The following MARCHF1 variants were observed in gnomAD, a reference collection of about 807,000 sequenced individuals.
The protein encoded by MARCHF1 is E3 ubiquitin-protein ligase MARCHF1.
MARCHF1 carries 40 observed loss-of-function variants against 54.2 expected under a neutral mutation model. The ratio of observed to expected loss-of-function variants is 0.74; its 90% CI spans 0.57 to 0.96. The LOEUF (loss-of-function observed/expected upper bound fraction) is 0.96. Ranked by LOEUF, MARCHF1 falls within the 40% of genes least tolerant of loss-of-function variation. The probability of loss-of-function intolerance (pLI) is 0.00; values close to 1 mark genes in which losing one functional copy is unlikely to be tolerated. For synonymous variants in MARCHF1, 236 were observed against 236.3 expected (o/e 1.00, Z 0.01); for missense variants, 586 against 656.5 (o/e 0.89, Z 1.17).
intron 4 of MARCHF1, among the ~76,000 whole-genome samples, chr4:163,704,542 CTTTT>C (rs1046391233): frequency 2.7e-5 from 4 of 149,666 alleles, no homozygotes; most frequent in Non-Finnish European, 6.0e-5. Context: ...TTTACAGGGT[CTTTT>C]TTTTTCAATA....
intron 8 of MARCHF1, among the ~76,000 whole-genome samples, chr4:163,564,359 A>G (rs1276226433): frequency 1.3e-5 from 2 of 152,212 alleles, no homozygotes; most frequent in Non-Finnish European, 2.9e-5. Context: ...ACTATTTTAT[A>G]TGGATAAAAT....
chr4:164,008,650 T>A (rs759157018), intron 2 of MARCHF1, among the ~76,000 whole-genome samples: 4 of 151,878 alleles, frequency 2.6e-5, no homozygotes, highest in Non-Finnish European at 5.9e-5. Context: ...CTGACCACAA[T>A]GGAATAAAAC....
intron 4 of MARCHF1, among the ~76,000 whole-genome samples, chr4:163,761,836 C>A (rs1212003841): frequency 6.6e-6 from 1 of 152,182 alleles, no homozygotes; most frequent in East Asian, 1.9e-4. Context: ...CCTTTCCCTT[C>A]TTCACATTCG....
chr4:163,952,425 G>T (rs1448981407), intron 3 of MARCHF1, among the ~76,000 whole-genome samples: 1 of 152,068 alleles, frequency 6.6e-6, no homozygotes, highest in Non-Finnish European at 1.5e-5. Context: ...GGCTATAAGG[G>T]ATTCCTAAAA....
At chr4:163,933,239 A>C in intron 3 of MARCHF1, 1 of 722,988 alleles carries the variant, frequency 1.4e-6, no homozygotes, top group East Asian at 3.9e-5. Context: ...GATGCAGCAG[A>C]AGGGGCTGAA....
intron 3 of MARCHF1, among the ~76,000 whole-genome samples, chr4:163,899,666 G>T (rs952848493): frequency 1.3e-5 from 2 of 151,776 alleles, no homozygotes; most frequent in African/African-American, 4.8e-5. Context: ...CTGACCTTCA[G>T]ATCTATATTT....
intron 1 of MARCHF1, among the ~76,000 whole-genome samples, chr4:164,160,254 A>C (rs562326381): frequency 5.9e-5 from 9 of 152,126 alleles, no homozygotes; most frequent in African/African-American, 9.7e-5. Context: ...GCACTTCTGC[A>C]AACCTAGGTG....
At chr4:164,103,964 C>A (rs1755631857) in intron 2 of MARCHF1, among the ~76,000 whole-genome samples, 1 of 150,606 alleles carries the variant, frequency 6.6e-6, no homozygotes, top group African/African-American at 2.5e-5. Flanking sequence ...ATACAAACTA[C>A]CATCAGGGAA....
intron 5 of MARCHF1, among the ~76,000 whole-genome samples, chr4:163,693,534 T>C (rs1171750291): frequency 3.3e-5 from 5 of 151,344 alleles, no homozygotes; most frequent in Non-Finnish European, 7.4e-5. Context: ...AGAGGTACCA[T>C]GATAAATAAA....
chr4:163,869,608 T>A (rs1560796391), intron 3 of MARCHF1, among the ~76,000 whole-genome samples: 1 of 152,042 alleles, frequency 6.6e-6, no homozygotes, highest in African/African-American at 2.4e-5. Flanking sequence ...GACAACCCAA[T>A]GGAAATAGAA....
intron 5 of MARCHF1, among the ~76,000 whole-genome samples, chr4:163,700,528 A>AGAAG (rs57173687): frequency 0.16 from 18,217 of 114,184 alleles, 1,709 homozygotes; most frequent in Admixed American, 0.17. Flanking sequence ...AAAGAAAGAA[A>AGAAG]GAAGGAAGGA....
intron 1 of MARCHF1, among the ~76,000 whole-genome samples, chr4:164,355,431 A>C (rs1297850402): frequency 7.8e-6 from 1 of 127,666 alleles, no homozygotes; most frequent in African/African-American, 2.9e-5. Flanking sequence ...AGATCAATGG[A>C]ACAGAACAGA....
intron 5 of MARCHF1, among the ~76,000 whole-genome samples, chr4:163,682,574 T>C (rs1244476749): frequency 6.6e-6 from 1 of 152,144 alleles, no homozygotes; most frequent in Non-Finnish European, 1.5e-5. Context: ...CAGCCATGGT[T>C]AAAAGGGGCC....
intron 4 of MARCHF1, among the ~76,000 whole-genome samples, chr4:163,825,954 A>G (rs895307838): frequency 6.6e-6 from 1 of 152,012 alleles, no homozygotes; most frequent in Non-Finnish European, 1.5e-5. Context: ...CCCAGTGCAG[A>G]GCAGAGGAGT....
At chr4:164,050,238 G>GCAT (rs1210563043) in intron 2 of MARCHF1, among the ~76,000 whole-genome samples, 1 of 118,824 alleles carries the variant, frequency 8.4e-6, no homozygotes, top group East Asian at 2.8e-4. Context: ...TCACGACACT[G>GCAT]CATTCCAGCC....
rs552919541 is a variant in MARCHF1, at chr4:163,683,700, G to A, written c.162+17113C>T. Among the ~76,000 whole-genome samples the A allele has an allele frequency of 2.6e-5, 4 of 152,232 alleles. No individual in the cohort carries two copies. In the South Asian group the frequency reaches 6.2e-4, roughly 24 times the overall value. ...GGGTAAAGGGACCTGCTTGGAAAAG[G>A]TCCATGCATGTGTTCGACTTATGAT... On this transcript the variant is annotated intron_variant, in intron 5 of 9. Coordinates refer to ENST00000514618, the MANE Select transcript of MARCHF1 (RefSeq NM_001394959.1).
chr4:163,761,434 G>C (rs1746822513), intron 4 of MARCHF1, among the ~76,000 whole-genome samples: 1 of 152,176 alleles, frequency 6.6e-6, no homozygotes, highest in African/African-American at 2.4e-5. Flanking sequence ...GACCTTGAAG[G>C]CATTGGTGTC....
chr4:163,693,862 A>T (rs1744537985), intron 5 of MARCHF1, among the ~76,000 whole-genome samples: 2 of 152,160 alleles, frequency 1.3e-5, no homozygotes, highest in African/African-American at 2.4e-5. Context: ...AATATTTTGA[A>T]ATTTGCGGAA....
intron 2 of MARCHF1, among the ~76,000 whole-genome samples, chr4:164,081,222 A>C (rs1381309666): frequency 6.9e-6 from 1 of 145,882 alleles, no homozygotes; most frequent in African/African-American, 2.5e-5. Flanking sequence ...AAAAAAAAAA[A>C]AAAAAAAAAA....
Sources: gnomAD v4.1 joint callset for allele counts (sites outside exome capture counted in the v4.1 genomes callset) on GRCh38, gnomAD v4.1.1 for gene constraint, MANE v1.5 for transcripts, NCBI Gene and HGNC (gene_info 2026-07-23, HGNC 2026-07-21) for gene names.